SQOR: variants seen among roughly 807,000 people sequenced by gnomAD.
The protein encoded by SQOR is sulfide quinone oxidoreductase, also known as sulfide:quinone oxidoreductase, mitochondrial.
Under a neutral mutation model 48.6 loss-of-function variants are expected in SQOR, and 39 were observed. That is an observed-to-expected ratio of 0.80 (90% CI 0.62 to 1.05). The LOEUF (loss-of-function observed/expected upper bound fraction) is 1.05, where lower values mean the gene tolerates loss of function less well. Ranked by LOEUF, SQOR falls within the 50% of genes least tolerant of loss-of-function variation. The pLI, the probability that SQOR is intolerant of heterozygous loss-of-function variation, is 0.00. For synonymous variants in SQOR, 220 were observed against 206.2 expected (o/e 1.07, Z -0.57); for missense variants, 561 against 559.9 (o/e 1.00, Z -0.02).
At chr15:45,665,805 A>C (rs910973626) in intron 3 of SQOR, among the ~76,000 whole-genome samples, 1 of 152,196 alleles carries the variant, frequency 6.6e-6, no homozygotes, top group Non-Finnish European at 1.5e-5. Context: ...GCTGGTCTCA[A>C]ACTCCTGACG....
intron 4 of SQOR, among the ~76,000 whole-genome samples, chr15:45,671,449 C>T (rs1285471000): frequency 1.3e-5 from 2 of 152,164 alleles, no homozygotes; most frequent in Middle Eastern, 3.2e-3. Flanking sequence ...TGAACCACTG[C>T]ACCCAGCCAG....
chr15:45,680,038 T>C (rs1340044090), intron 6 of SQOR, among the ~76,000 whole-genome samples: 1 of 152,226 alleles, frequency 6.6e-6, no homozygotes, highest in Non-Finnish European at 1.5e-5. Context: ...AAATGATAGA[T>C]AATGAACAAG....
At chr15:45,681,035 C>G (rs1373295947) in intron 6 of SQOR, among the ~76,000 whole-genome samples, 1 of 151,948 alleles carries the variant, frequency 6.6e-6, no homozygotes, top group Non-Finnish European at 1.5e-5. Flanking sequence ...AGAGCAAGAC[C>G]GAGTCTCTAA....
intron 3 of SQOR, among the ~76,000 whole-genome samples, chr15:45,665,986 C>T (rs901585013): frequency 2.6e-5 from 4 of 152,176 alleles, no homozygotes; most frequent in East Asian, 1.9e-4. Context: ...TTCCCTGATC[C>T]GGGGGTGTGT....
chr15:45,664,916 C>G (rs982092980), intron 3 of SQOR, among the ~76,000 whole-genome samples: 12 of 152,056 alleles, frequency 7.9e-5, no homozygotes, highest in Admixed American at 2.6e-4. Context: ...CTCCGGGAGA[C>G]CAGACTGAAT....
chr15:45,690,688 G>A (rs549746446), intron 9 of SQOR, among the ~76,000 whole-genome samples: 41 of 152,316 alleles, frequency 2.7e-4, no homozygotes, highest in African/African-American at 8.7e-4. Flanking sequence ...ATGAGGTAAT[G>A]AAAGCAGAAA....
intron 1 of SQOR, among the ~76,000 whole-genome samples, chr15:45,656,482 G>C (rs1377313225): frequency 1.3e-5 from 2 of 151,330 alleles, no homozygotes; most frequent in East Asian, 3.9e-4. Context: ...AATAGAGTTG[G>C]GGTTTCCCCA....
At chr15:45,645,762 C>T (rs1895192930) in intron 1 of SQOR, 1 of 152,202 alleles carries the variant, frequency 6.6e-6, no homozygotes, top group African/African-American at 2.4e-5. Context: ...TCTTGTGAGC[C>T]AGTTTCCAGG....
chr15:45,665,835 C>T (rs1305688351), intron 3 of SQOR, among the ~76,000 whole-genome samples: 2 of 152,210 alleles, frequency 1.3e-5, no homozygotes, highest in African/African-American at 2.4e-5. Context: ...CTGCCCACCT[C>T]GGCCTCCCAA....
At chr15:45,649,846 G>T (rs1016960953) in intron 1 of SQOR, among the ~76,000 whole-genome samples, 12 of 150,814 alleles carry the variant, frequency 8.0e-5, no homozygotes, top group Non-Finnish European at 1.6e-4. Flanking sequence ...AATGCTTTTT[G>T]TTGTTGTTGT....
chr15:45,682,891 G>A (rs1267164617), intron 7 of SQOR, among the ~76,000 whole-genome samples: 1 of 152,044 alleles, frequency 6.6e-6, no homozygotes. Flanking sequence ...AGTCAGGCGT[G>A]TGGTGGGCGC....
At chr15:45,683,191 T>C (rs901497964) in intron 7 of SQOR, among the ~76,000 whole-genome samples, 1 of 150,790 alleles carries the variant, frequency 6.6e-6, no homozygotes, top group African/African-American at 2.4e-5. Flanking sequence ...GGCCTTAGAG[T>C]GCATCACTTT....
chr15:45,673,340 G>C (rs988522194), intron 4 of SQOR, among the ~76,000 whole-genome samples: 1 of 152,140 alleles, frequency 6.6e-6, no homozygotes, highest in Admixed American at 6.6e-5. Context: ...CTCCGATGGT[G>C]GGAAAAGTTG....
chr15:45,655,412 G>A (rs546899752), intron 1 of SQOR, among the ~76,000 whole-genome samples: 2 of 152,332 alleles, frequency 1.3e-5, no homozygotes, highest in East Asian at 3.9e-4. Context: ...AGCAGGATGT[G>A]ATGACTGGGT....
upstream of SQOR, among the ~76,000 whole-genome samples, chr15:45,633,673 G>A (rs1449481569): frequency 3.6e-5 from 5 of 139,682 alleles, no homozygotes; most frequent in African/African-American, 1.1e-4. Context: ...CAGCCTGGGA[G>A]ACGGAGTGAG....
At chr15:45,686,818 A>G (rs1026075925) in intron 7 of SQOR, among the ~76,000 whole-genome samples, 9 of 152,062 alleles carry the variant, frequency 5.9e-5, no homozygotes, top group African/African-American at 2.2e-4. Flanking sequence ...TCTTCATTTT[A>G]TTTTATTTTT....
At chr15:45,651,883 T>TCTC (rs1889499047) in intron 1 of SQOR, among the ~76,000 whole-genome samples, 11 of 152,196 alleles carry the variant, frequency 7.2e-5, no homozygotes, top group African/African-American at 2.4e-4. Flanking sequence ...TTCTCCTTCT[T>TCTC]CTTCTTCTTC....
intron 1 of SQOR, among the ~76,000 whole-genome samples, chr15:45,648,381 T>C (rs1025662958): frequency 6.6e-6 from 1 of 152,158 alleles, no homozygotes; most frequent in African/African-American, 2.4e-5. Flanking sequence ...TTTCACCATA[T>C]TGGCCAGGAT....
chr15:45,662,247 A>C, intron 3 of SQOR, 122 bp downstream of exon 3: 3 of 1,025,532 alleles, frequency 2.9e-6, no homozygotes, highest in Non-Finnish European at 4.3e-6. Context: ...GCATGAACGT[A>C]TGTGTGTTGA....
Sources: gnomAD v4.1 joint callset for allele counts (sites outside exome capture counted in the v4.1 genomes callset) on GRCh38, gnomAD v4.1.1 for gene constraint, MANE v1.5 for transcripts, NCBI Gene and HGNC (gene_info 2026-07-23, HGNC 2026-07-21) for gene names.